IFNAR2: variants seen among roughly 807,000 people sequenced by gnomAD.
IFNAR2 encodes the protein interferon alpha and beta receptor subunit 2.
A neutral mutation model predicts 49.4 loss-of-function variants in IFNAR2; 30 were observed. The observed-to-expected ratio is 0.61, with a 90% CI of 0.45 to 0.82. The LOEUF (loss-of-function observed/expected upper bound fraction) is 0.82, where lower values mean the gene tolerates loss of function less well. Ranked by LOEUF, IFNAR2 falls within the 40% of genes least tolerant of loss-of-function variation. The pLI is 0.00. For missense variants in IFNAR2, 600 were observed against 622.7 expected, an observed-to-expected ratio of 0.96 and a Z score of 0.39; for synonymous variants, 224 against 234.5, an observed-to-expected ratio of 0.96 and a Z score of 0.41.
chr21:33,255,030 A>G (rs1482758675), intron 7 of IFNAR2, among the ~76,000 whole-genome samples: 6 of 152,206 alleles, frequency 3.9e-5, no homozygotes, highest in Non-Finnish European at 8.8e-5. Flanking sequence ...ACAGGGCAAT[A>G]TGATTTGATT....
intron 8 of IFNAR2, among the ~76,000 whole-genome samples, chr21:33,261,936 G>A (rs905157610): frequency 6.6e-6 from 1 of 152,160 alleles, no homozygotes; most frequent in African/African-American, 2.4e-5. Flanking sequence ...AAGTTAAGAG[G>A]AGTAAGTCAG....
In IFNAR2 at chr21:33,230,334, A is replaced by ACTCCTC. The variant is rs368922144; in HGVS notation, c.-84+130_-84+135dup. The ACTCCTC allele has an allele frequency of 2.4e-6, 2 of 837,388 alleles. No homozygotes were observed. Among genetic ancestry groups the ACTCCTC allele is most frequent in the Non-Finnish European group, 3.1e-6 (2 of 639,688 alleles). 51.9% of individuals were successfully genotyped at this position (837,388 alleles called of 1,614,324 possible). ...CTCCGGTTCCCTCTCGCTCTCCCCG[A>ACTCCTC]CTCCTCCTCCTCCTCCTGCCCTCCC... On this transcript the variant is annotated intron_variant, in intron 1 of 8. Coordinates refer to ENST00000342136, the MANE Select transcript of IFNAR2 (RefSeq NM_001289125.3). The surrounding 1 kb of genome is among the most constrained non-coding windows in gnomAD (Gnocchi z 5.5).
Position 33,264,322 on chromosome 21 carries a change from G to T in IFNAR2, c.*822G>T, listed in dbSNP as rs1045169672. On this transcript the variant is annotated 3_prime_UTR_variant, in exon 9 of 9. Coordinates refer to ENST00000342136, the MANE Select transcript of IFNAR2 (RefSeq NM_001289125.3). ...CACAAGGAAACAGGGAAGAGCCATC[G>T]AAGTTTCAGTCGGTGAGCCTTGGGC... 1 of 152,166 alleles carries T rather than the reference G, an allele frequency of 6.6e-6. No individual in the cohort carries two copies. The highest frequency in any genetic ancestry group is 1.5e-5 in the Non-Finnish European group (1 of 68,052). 9.4% of individuals were successfully genotyped at this position (152,166 alleles called of 1,614,324 possible). A position where few individuals can be genotyped will look rare whatever the true frequency, so the allele number is the denominator to read the frequency against.
intron 1 of IFNAR2, among the ~76,000 whole-genome samples, chr21:33,237,111 T>TG (rs1986535785): frequency 1.3e-5 from 1 of 76,294 alleles, no homozygotes; most frequent in South Asian, 5.2e-4. Flanking sequence ...GTGTGTGTGT[T>TG]TTCTCGGCTG....
rs761222251 is a variant in IFNAR2, at chr21:33,263,469, T to G, written c.1517T>G (p.Val506Gly). ...SDQSDTSESD[V>G]DLGDGYIMR ...CAAAGTGACACTTCTGAGTCAGATGTTGACCTTGGGGATGGTTATATAATG... is the reference window on the plus strand; with the variant it reads ...CAAAGTGACACTTCTGAGTCAGATGGTGACCTTGGGGATGGTTATATAATG... Residue 506 changes from valine to glycine, a missense_variant, in exon 9 of 9, where the codon GTT (valine) becomes GGT (glycine). Val to Gly is a moderately radical substitution (Grantham distance 109). Coordinates refer to ENST00000342136, the MANE Select transcript of IFNAR2 (RefSeq NM_001289125.3). 6.2e-7 allele frequency: 1 copy of G among 1,612,964 alleles called. No individual in the cohort carries two copies. The highest frequency in any genetic ancestry group is 1.1e-5 in the South Asian group (1 of 91,052).
chr21:33,239,276 G>A (rs941567819), intron 1 of IFNAR2, among the ~76,000 whole-genome samples: 1 of 152,150 alleles, frequency 6.6e-6, no homozygotes, highest in Non-Finnish European at 1.5e-5. Flanking sequence ...CCAAATAAGA[G>A]AAGGAAGGGA....
chr21:33,252,679 A>G lies in IFNAR2; in HGVS notation c.558A>G (p.Lys186=), dbSNP rs1170562825. ...GIVKKHKPEI[K]GNMSGNFTYI... ...GTTTACAGCATAAACCCGAAATAAA[A>G]GGAAACATGAGTGGAAATTTCACCT... Residue 186 remains lysine (K), a synonymous_variant, in exon 7 of 9, where the codon AAA becomes AAG. Transcript: ENST00000342136. The G allele has an allele frequency of 1.2e-6, 2 of 1,613,032 alleles. No individual in the cohort carries two copies. The highest frequency in any genetic ancestry group is 2.7e-5 in the African/African-American group (2 of 74,906).
At chr21:33,253,320 AC>A (rs1987990141) in intron 7 of IFNAR2, among the ~76,000 whole-genome samples, 1 of 152,194 alleles carries the variant, frequency 6.6e-6, no homozygotes, top group Non-Finnish European at 1.5e-5. Flanking sequence ...AAGGCTGAAC[AC>A]CTTTCTGTTA....
At chr21:33,239,718 ATGT>A (rs1444435424) in intron 1 of IFNAR2, among the ~76,000 whole-genome samples, 1 of 148,830 alleles carries the variant, frequency 6.7e-6, no homozygotes, top group Non-Finnish European at 1.5e-5. Context: ...ACAGCCCTCA[ATGT>A]TGTGATCTGC....
chr21:33,230,364 C>A lies in IFNAR2; in HGVS notation c.-84+148C>A. ...TCCTCCTCCTCCTGCCCTCCCTCTG[C>A]GTCTTGAGTATGCGGCTAGTGCGCC... On this transcript the variant is annotated intron_variant, in intron 1 of 8. Coordinates refer to ENST00000342136, the MANE Select transcript of IFNAR2 (RefSeq NM_001289125.3). The surrounding 1 kb of genome is among the most constrained non-coding windows in gnomAD (Gnocchi z 5.5). 1.5e-6 allele frequency: 1 copy of A among 655,430 alleles called. No homozygotes were observed. Among genetic ancestry groups the A allele is most frequent in the Non-Finnish European group, 2.2e-6 (1 of 459,768 alleles). 40.6% of individuals were successfully genotyped at this position (655,430 alleles called of 1,614,324 possible). A position where few individuals can be genotyped will look rare whatever the true frequency, so the allele number is the denominator to read the frequency against.
chr21:33,252,765 G>T lies in IFNAR2; in HGVS notation c.644G>T (p.Ser215Ile). The T allele has an allele frequency of 3.1e-6, 5 of 1,614,008 alleles. No individual in the cohort carries two copies. Among genetic ancestry groups the T allele is most frequent in the Non-Finnish European group, 4.2e-6 (5 of 1,179,892 alleles). ...NYCVSVYLEH[S>I]DEQAVIKSPL... The stretch of plus-strand genomic sequence containing the variant: ...TGTGTATCTGTTTATTTAGAGCACA[G>T]TGATGAGCAAGCAGTAATAAAGTCT... The change falls in exon 7 of 9, where the codon AGT (serine) becomes ATT (isoleucine). Residue 215 changes from serine (S) to isoleucine (I), a missense_variant. Ser to Ile is a moderately radical substitution (Grantham distance 142). Coordinates refer to ENST00000342136, the MANE Select transcript of IFNAR2 (RefSeq NM_001289125.3).
Position 33,241,870 on chromosome 21 carries a change from C to T in IFNAR2, c.-53C>T. 1 of 1,606,608 alleles carries T rather than the reference C, an allele frequency of 6.2e-7. No individual in the cohort carries two copies. The highest frequency in any genetic ancestry group is 1.1e-5 in the South Asian group (1 of 90,112). On this transcript the variant is annotated 5_prime_UTR_variant, in exon 2 of 9. Transcript: ENST00000342136. Reference sequence around the variant, plus strand: ...TTAGACACTTCAGAATTTTGATCACCTAATGTTGATTTCAGATGTAAAAGT... The same window carrying T: ...TTAGACACTTCAGAATTTTGATCACTTAATGTTGATTTCAGATGTAAAAGT...
intron 7 of IFNAR2, among the ~76,000 whole-genome samples, chr21:33,257,713 C>T (rs1910391434): frequency 6.6e-6 from 1 of 152,196 alleles, no homozygotes; most frequent in South Asian, 2.1e-4. Flanking sequence ...TCACTCCACC[C>T]AGGAAGTCCA....
chr21:33,253,419 T>C (rs1406036038), intron 7 of IFNAR2, among the ~76,000 whole-genome samples: 1 of 152,170 alleles, frequency 6.6e-6, no homozygotes, highest in Non-Finnish European at 1.5e-5. Context: ...TCCCTGCTGA[T>C]TGTTTTCTCA....
chr21:33,246,115 G>C (rs1987380185), intron 4 of IFNAR2, among the ~76,000 whole-genome samples: 1 of 150,078 alleles, frequency 6.7e-6, no homozygotes, highest in African/African-American at 2.5e-5. Flanking sequence ...GTGTCACCAA[G>C]GCTGGAGTGC....
intron 1 of IFNAR2, chr21:33,236,647 A>G (rs930866039): frequency 1.0e-6 from 1 of 973,288 alleles, no homozygotes; most frequent in Non-Finnish European, 1.2e-6. Flanking sequence ...AGCAGTTGTT[A>G]GGCATAGAGA....
At chr21:33,247,151 C>T (rs778918815) in intron 5 of IFNAR2, among the ~76,000 whole-genome samples, 74 of 151,802 alleles carry the variant, frequency 4.9e-4, no homozygotes, top group Non-Finnish European at 8.7e-4. Flanking sequence ...CTGCTGTTTT[C>T]GGTTTTGCAG....
At chr21:33,256,826 T>A (rs1284071568) in intron 7 of IFNAR2, among the ~76,000 whole-genome samples, 2 of 152,062 alleles carry the variant, frequency 1.3e-5, no homozygotes. Context: ...AATAACAAGA[T>A]CAACATGTAA....
At chr21:33,253,785 A>G (rs189587423) in intron 7 of IFNAR2, among the ~76,000 whole-genome samples, 1 of 152,296 alleles carries the variant, frequency 6.6e-6, no homozygotes, top group East Asian at 1.9e-4. Flanking sequence ...TCACATTGCC[A>G]TGGCATTTGT....
Sources: gnomAD v4.1 joint callset for allele counts (sites outside exome capture counted in the v4.1 genomes callset) on GRCh38, gnomAD v4.1.1 for gene constraint, Gnocchi (gnomAD v3.1) non-coding constraint, MANE v1.5 for transcripts, NCBI Gene and HGNC (gene_info 2026-07-23, HGNC 2026-07-21) for gene names.